STARD13: variants seen among roughly 807,000 people sequenced by gnomAD.
STARD13 encodes the protein StAR related lipid transfer domain containing 13.
In STARD13, 62 loss-of-function variants were observed where a neutral mutation model predicts 106.4. That is an observed-to-expected ratio of 0.58 (90% confidence interval 0.48 to 0.72). STARD13 has a LOEUF of 0.72. Ranked by LOEUF, STARD13 falls within the 30% of genes least tolerant of loss-of-function variation. STARD13 has a pLI of 0.00. For synonymous variants in STARD13, 565 were observed against 553.0 expected, an observed-to-expected ratio of 1.02 and a Z score of -0.31; for missense variants, 1,387 against 1,424.0, an observed-to-expected ratio of 0.97 and a Z score of 0.42.
chr13:33,361,877 GA>G, the STARD13 span, among the ~76,000 whole-genome samples: 1 of 152,134 alleles, frequency 6.6e-6, no homozygotes, highest in Non-Finnish European at 1.5e-5. Context: ...TTTGGGTGGG[GA>G]CACAGAGCCA....
chr13:33,251,201 C>A (rs1165171820), intron 1 of STARD13, among the ~76,000 whole-genome samples: 1 of 152,106 alleles, frequency 6.6e-6, no homozygotes, highest in Non-Finnish European at 1.5e-5. Context: ...GGAGATGATG[C>A]TGCACAAACA....
chr13:33,195,777 T>C (rs537461546), intron 1 of STARD13, among the ~76,000 whole-genome samples: 3 of 152,306 alleles, frequency 2.0e-5, no homozygotes, highest in South Asian at 4.1e-4. Flanking sequence ...ATGTTTCAAA[T>C]CTGTCTCTCT....
chr13:33,321,267 A>C (rs919412645), intron 1 of STARD13, among the ~76,000 whole-genome samples: 2 of 152,178 alleles, frequency 1.3e-5, no homozygotes, highest in Non-Finnish European at 2.9e-5. Flanking sequence ...GCACTTTAGG[A>C]GGCCAAGGCC....
chr13:33,640,559 T>C, the STARD13 span, among the ~76,000 whole-genome samples: 15 of 152,224 alleles, frequency 9.9e-5, no homozygotes. Flanking sequence ...CCCTGCCATT[T>C]AATCATGGAT....
At chr13:33,194,359 T>A (rs1886464216) in intron 1 of STARD13, among the ~76,000 whole-genome samples, 1 of 152,170 alleles carries the variant, frequency 6.6e-6, no homozygotes, top group African/African-American at 2.4e-5. Context: ...ATGGAAACAT[T>A]CTGCTATGAA....
chr13:33,676,224 C>T, the STARD13 span, among the ~76,000 whole-genome samples: 3 of 152,238 alleles, frequency 2.0e-5, no homozygotes, highest in Admixed American at 6.5e-5. Flanking sequence ...CATGCCTAAG[C>T]AAGCAGGAAG....
At chr13:33,153,224 C>T (rs1881517016) in intron 3 of STARD13, among the ~76,000 whole-genome samples, 2 of 152,168 alleles carry the variant, frequency 1.3e-5, no homozygotes, top group South Asian at 4.1e-4. Flanking sequence ...ACACCAAGCA[C>T]CCACGATATA....
intron 8 of STARD13, chr13:33,113,280 A>G: frequency 2.6e-6 from 1 of 382,470 alleles, no homozygotes; most frequent in South Asian, 2.2e-5. Context: ...GGTGATTAGG[A>G]CTCTGTCAAC....
At chr13:33,519,309 T>TTCTC in the STARD13 span, among the ~76,000 whole-genome samples, 3 of 137,994 alleles carry the variant, frequency 2.2e-5, no homozygotes, top group East Asian at 4.2e-4. Context: ...CTCTCTTTCT[T>TTCTC]TCTCTCTCTC....
chr13:33,399,700 C>CAAAAAAAAA, the STARD13 span, among the ~76,000 whole-genome samples: 2 of 26,944 alleles, frequency 7.4e-5, no homozygotes, highest in African/African-American at 8.7e-5. Context: ...GACTCTGTCT[C>CAAAAAAAAA]AAAAAAAAAA....
At chr13:33,552,724 G>C in the STARD13 span, among the ~76,000 whole-genome samples, 1 of 152,088 alleles carries the variant, frequency 6.6e-6, no homozygotes, top group African/African-American at 2.4e-5. Context: ...ATTAAGCTTT[G>C]AAAGAATTAA....
chr13:33,255,862 C>T (rs889794177), intron 1 of STARD13, among the ~76,000 whole-genome samples: 2 of 152,140 alleles, frequency 1.3e-5, no homozygotes, highest in African/African-American at 4.8e-5. Flanking sequence ...AATTACTGGC[C>T]CTTCTGCTCA....
chr13:33,608,811 G>A, the STARD13 span, among the ~76,000 whole-genome samples: 121 of 152,274 alleles, frequency 7.9e-4, no homozygotes, highest in African/African-American at 2.9e-3. Flanking sequence ...TACAGGCTGG[G>A]CCCGATGGCT....
chr13:33,442,250 G>A, the STARD13 span, among the ~76,000 whole-genome samples: 13 of 152,268 alleles, frequency 8.5e-5, no homozygotes, highest in South Asian at 1.2e-3. Context: ...AATTGCTGCC[G>A]AAAAATTTAA....
chr13:33,622,195 A>C, the STARD13 span, among the ~76,000 whole-genome samples: 17 of 152,354 alleles, frequency 1.1e-4, no homozygotes, highest in Admixed American at 1.1e-3. Context: ...GTGGAAGAGG[A>C]AATATTTATC....
chr13:33,289,792 T>C (rs969952410), upstream of STARD13, among the ~76,000 whole-genome samples: 2 of 152,050 alleles, frequency 1.3e-5, no homozygotes, highest in Non-Finnish European at 2.9e-5. Flanking sequence ...AGTCAATCAA[T>C]AGAAGCCACA....
chr13:33,408,338 C>A, the STARD13 span, among the ~76,000 whole-genome samples: 1 of 152,128 alleles, frequency 6.6e-6, no homozygotes, highest in South Asian at 2.1e-4. Context: ...CCCCTGGCAA[C>A]CTCCATTCTA....
the STARD13 span, among the ~76,000 whole-genome samples, chr13:33,365,527 A>G: frequency 6.6e-6 from 1 of 152,214 alleles, no homozygotes; most frequent in African/African-American, 2.4e-5. Flanking sequence ...GCGGGTAGCA[A>G]GACTTGAGAT....
the STARD13 span, among the ~76,000 whole-genome samples, chr13:33,446,799 A>G: frequency 6.6e-6 from 1 of 152,246 alleles, no homozygotes; most frequent in Non-Finnish European, 1.5e-5. Context: ...TTAATAAACC[A>G]TAGCATTTTA....
Sources: gnomAD v4.1 joint callset for allele counts (sites outside exome capture counted in the v4.1 genomes callset) on GRCh38, gnomAD v4.1.1 for gene constraint, MANE v1.5 for transcripts, NCBI Gene and HGNC (gene_info 2026-07-23, HGNC 2026-07-21) for gene names.